Variants in RPS6KC1 observed in about 807,000 individuals in gnomAD.
The protein encoded by RPS6KC1 is inactive ribosomal protein S6 kinase delta-1.
RPS6KC1 carries 54 observed loss-of-function variants against 103.8 expected under a neutral mutation model. The ratio of observed to expected loss-of-function variants is 0.52; its 90% CI spans 0.42 to 0.65. The LOEUF is 0.65. RPS6KC1 is among the 30% of genes least tolerant of loss of function. The probability of loss-of-function intolerance (pLI) is 0.00; values close to 1 mark genes in which losing one functional copy is unlikely to be tolerated. For missense variants in RPS6KC1, 1,151 were observed against 1,253.8 expected (o/e 0.92, Z 1.24); for synonymous variants, 439 against 438.7 (o/e 1.00, Z -0.01).
the RPS6KC1 span, among the ~76,000 whole-genome samples, chr1:213,613,301 A>G: frequency 6.6e-6 from 1 of 152,170 alleles, no homozygotes; most frequent in African/African-American, 2.4e-5. Flanking sequence ...CACTCCTCCT[A>G]TAGGTTGATC....
At chr1:213,445,365 G>A in the RPS6KC1 span, among the ~76,000 whole-genome samples, 7 of 152,188 alleles carry the variant, frequency 4.6e-5, no homozygotes, top group Non-Finnish European at 7.3e-5. Context: ...GAGTTGCTGG[G>A]TTGTATGGTG....
chr1:213,176,601 C>A, intron 8 of RPS6KC1, 109 bp downstream of exon 8: 1 of 670,120 alleles, frequency 1.5e-6, no homozygotes, highest in Non-Finnish European at 2.5e-6. Context: ...GAGAAAATGA[C>A]TCAAATGCAT....
chr1:213,428,506 CT>C, the RPS6KC1 span, among the ~76,000 whole-genome samples: 3 of 65,204 alleles, frequency 4.6e-5, no homozygotes, highest in African/African-American at 1.7e-4. Flanking sequence ...TCCTTCCTTC[CT>C]TCCTTCCTTC....
chr1:213,574,867 G>T, the RPS6KC1 span, among the ~76,000 whole-genome samples: 1 of 152,196 alleles, frequency 6.6e-6, no homozygotes, highest in Non-Finnish European at 1.5e-5. Flanking sequence ...GGGCTGGCAA[G>T]ACCGAGTCAC....
chr1:213,540,900 C>T, the RPS6KC1 span, among the ~76,000 whole-genome samples: 3 of 152,060 alleles, frequency 2.0e-5, no homozygotes, highest in Non-Finnish European at 4.4e-5. Flanking sequence ...GATTCCATCT[C>T]AAGAAATCCT....
chr1:213,139,316 A>C (rs1558399160), intron 6 of RPS6KC1, among the ~76,000 whole-genome samples: 1 of 152,030 alleles, frequency 6.6e-6, no homozygotes, highest in South Asian at 2.1e-4. Flanking sequence ...TTCTGTTGAT[A>C]GTTTGTTTTG....
chr1:213,500,233 TA>T, the RPS6KC1 span, among the ~76,000 whole-genome samples: 3 of 152,216 alleles, frequency 2.0e-5, no homozygotes, highest in African/African-American at 7.2e-5. Context: ...TAAACTTTTT[TA>T]TTAAAAACTA....
At chr1:213,216,204 C>G (rs982514047) in intron 8 of RPS6KC1, among the ~76,000 whole-genome samples, 7 of 151,690 alleles carry the variant, frequency 4.6e-5, no homozygotes, top group Non-Finnish European at 8.8e-5. Context: ...AAATGGAAAA[C>G]AAAAAAAGGC....
the RPS6KC1 span, among the ~76,000 whole-genome samples, chr1:213,827,037 G>C: frequency 6.6e-6 from 1 of 152,116 alleles, no homozygotes; most frequent in African/African-American, 2.4e-5. Context: ...ATTAACGCTG[G>C]GCTTGAGTAA....
intron 6 of RPS6KC1, among the ~76,000 whole-genome samples, chr1:213,139,535 A>T (rs2086773780): frequency 6.6e-6 from 1 of 151,942 alleles, no homozygotes; most frequent in African/African-American, 2.4e-5. Flanking sequence ...AAAAAGTAGG[A>T]GTCCATTTCC....
At chr1:213,696,249 C>T in the RPS6KC1 span, among the ~76,000 whole-genome samples, 10 of 152,184 alleles carry the variant, frequency 6.6e-5, no homozygotes, top group East Asian at 1.9e-4. Flanking sequence ...CCTGTAATTC[C>T]GGCACTTTGG....
the RPS6KC1 span, among the ~76,000 whole-genome samples, chr1:213,510,132 C>G: frequency 6.6e-6 from 1 of 152,152 alleles, no homozygotes; most frequent in Admixed American, 6.5e-5. Context: ...ATCATTGTGC[C>G]TTTTCATGTA....
the RPS6KC1 span, among the ~76,000 whole-genome samples, chr1:213,761,130 C>T: frequency 6.6e-6 from 1 of 152,000 alleles, no homozygotes; most frequent in South Asian, 2.1e-4. Flanking sequence ...CAGGGTTGAG[C>T]TATTTCCCTT....
intron 3 of RPS6KC1, among the ~76,000 whole-genome samples, chr1:213,087,003 T>G (rs1309959494): frequency 6.6e-6 from 1 of 152,188 alleles, no homozygotes; most frequent in African/African-American, 2.4e-5. Flanking sequence ...AATGCCTACC[T>G]GTTTTACAAG....
chr1:213,306,840 A>G, the RPS6KC1 span, among the ~76,000 whole-genome samples: 2 of 152,192 alleles, frequency 1.3e-5, no homozygotes, highest in South Asian at 4.1e-4. Context: ...TCCAGGCCAC[A>G]TGGAACTTAC....
At chr1:213,260,406 T>C (rs2094757886) in intron 12 of RPS6KC1, among the ~76,000 whole-genome samples, 3 of 152,154 alleles carry the variant, frequency 2.0e-5, no homozygotes, top group African/African-American at 7.2e-5. Flanking sequence ...GTAATTTCAG[T>C]GTTTTGCACA....
intron 3 of RPS6KC1, among the ~76,000 whole-genome samples, chr1:213,101,207 T>C (rs2081992774): frequency 6.6e-6 from 1 of 152,228 alleles, no homozygotes; most frequent in Non-Finnish European, 1.5e-5. Context: ...TTCATGTTTG[T>C]TGGCTGCTTG....
the RPS6KC1 span, among the ~76,000 whole-genome samples, chr1:213,733,211 TTTTTG>T: frequency 6.8e-6 from 1 of 146,906 alleles, no homozygotes; most frequent in African/African-American, 2.5e-5. Flanking sequence ...GTTTAGGGTT[TTTTTG>T]TTTTGTTTTG....
At chr1:213,673,082 A>G in the RPS6KC1 span, among the ~76,000 whole-genome samples, 1 of 152,214 alleles carries the variant, frequency 6.6e-6, no homozygotes, top group African/African-American at 2.4e-5. Context: ...ATAGACCTGA[A>G]GCTACTAAGA....
Sources: allele counts gnomAD v4.1 joint callset (sites outside exome capture counted in the v4.1 genomes callset), GRCh38; gene constraint gnomAD v4.1.1; transcripts MANE v1.5; gene names NCBI Gene and HGNC (gene_info 2026-07-23, HGNC 2026-07-21).